The following DPP6 variants were observed in gnomAD, a reference collection of about 807,000 sequenced individuals.
DPP6 encodes the protein A-type potassium channel modulatory protein DPP6.
DPP6 carries 69 observed loss-of-function variants against 122.6 expected under a neutral mutation model. That is an observed-to-expected ratio of 0.56 (90% CI 0.46 to 0.69). The LOEUF (loss-of-function observed/expected upper bound fraction) is 0.69. DPP6 is among the 30% of genes least tolerant of loss of function. The pLI, the probability that DPP6 is intolerant of heterozygous loss-of-function variation, is 0.00. For missense variants in DPP6, 928 were observed against 1,116.9 expected, an observed-to-expected ratio of 0.83 and a Z score of 2.41; for synonymous variants, 418 against 433.1, an observed-to-expected ratio of 0.97 and a Z score of 0.43.
At chr7:154,341,417 T>C (rs962667886) in intron 1 of DPP6, among the ~76,000 whole-genome samples, 1 of 152,050 alleles carries the variant, frequency 6.6e-6, no homozygotes, top group Admixed American at 6.6e-5. Flanking sequence ...AGAAATGAAA[T>C]CTACAATCGC....
At chr7:154,643,114 A>G (rs958405774) in intron 6 of DPP6, among the ~76,000 whole-genome samples, 2 of 152,218 alleles carry the variant, frequency 1.3e-5, no homozygotes, top group Non-Finnish European at 2.9e-5. Context: ...ATTCTCTTTA[A>G]TAATTTTTCT....
intron 1 of DPP6, among the ~76,000 whole-genome samples, chr7:154,360,224 C>T (rs1347190457): frequency 6.6e-6 from 1 of 152,166 alleles, no homozygotes; most frequent in Non-Finnish European, 1.5e-5. Context: ...CAGGATGACA[C>T]TGCCTGAGGA....
At chr7:154,145,111 A>G (rs914311040) in intron 1 of DPP6, among the ~76,000 whole-genome samples, 3 of 152,122 alleles carry the variant, frequency 2.0e-5, no homozygotes, top group East Asian at 1.9e-4. Flanking sequence ...TGCTGCTGCA[A>G]TGGGATTTGG....
chr7:154,784,955 GA>G (rs1172595366), intron 10 of DPP6, among the ~76,000 whole-genome samples: 4 of 151,810 alleles, frequency 2.6e-5, no homozygotes, highest in African/African-American at 7.3e-5. Flanking sequence ...TGAGGAGCTT[GA>G]AAAAAAATAT....
intron 7 of DPP6, among the ~76,000 whole-genome samples, chr7:154,686,284 A>G (rs1228725456): frequency 6.6e-6 from 1 of 152,172 alleles, no homozygotes; most frequent in African/African-American, 2.4e-5. Context: ...TCTGTTCAGA[A>G]TGACTTCTCT....
At chr7:154,056,715 C>T (rs969793330) in intron 1 of DPP6, among the ~76,000 whole-genome samples, 2 of 152,202 alleles carry the variant, frequency 1.3e-5, no homozygotes, top group Non-Finnish European at 2.9e-5. Flanking sequence ...TCATCATCCG[C>T]TATGTCTTCG....
intron 5 of DPP6, among the ~76,000 whole-genome samples, chr7:154,574,479 G>A (rs1247871935): frequency 0.014 from 1,925 of 135,230 alleles, 50 homozygotes; most frequent in East Asian, 0.1. Context: ...TATGTGTGTG[G>A]TGTGTGTATG....
chr7:153,829,827 A>G, the DPP6 span, among the ~76,000 whole-genome samples: 1 of 152,124 alleles, frequency 6.6e-6, no homozygotes, highest in East Asian at 1.9e-4. Flanking sequence ...AGATTGACCG[A>G]TTGTTTCGGG....
chr7:154,571,823 C>CA (rs1831128514), intron 5 of DPP6, among the ~76,000 whole-genome samples: 1 of 152,172 alleles, frequency 6.6e-6, no homozygotes, highest in African/African-American at 2.4e-5. Flanking sequence ...TAGTTACTTG[C>CA]CACTGCATAG....
chr7:154,648,267 T>TA lies in DPP6; in HGVS notation c.680+10409dup, dbSNP rs35397756. Among the ~76,000 whole-genome samples the TA allele has an allele frequency of 6.2e-3, 865 of 139,950 alleles. 5 individuals are homozygous for TA. Among genetic ancestry groups the TA allele is most frequent in the African/African-American group, 0.019 (744 of 38,490 alleles). The allele number at this position is 139,950 out of a possible 152,430, so 91.8% of individuals were successfully genotyped here. A position where few individuals can be genotyped will look rare whatever the true frequency, so the allele number is the denominator to read the frequency against. On this transcript the variant is annotated intron_variant, in intron 6 of 25. Transcript: ENST00000377770. Reference sequence around the variant, plus strand: ...TGGGCAACAAGAGCAAAACTCTGTCTAAAAAAAAAAAAAAATCACTGAGCC... The same window carrying TA: ...TGGGCAACAAGAGCAAAACTCTGTCTAAAAAAAAAAAAAAAATCACTGAGCC...
chr7:154,452,784 C>T (rs562199252), intron 2 of DPP6, among the ~76,000 whole-genome samples: 60 of 152,318 alleles, frequency 3.9e-4, no homozygotes, highest in African/African-American at 1.4e-3. Context: ...CTCTGAACAA[C>T]AAGGCATCTT....
At chr7:153,753,188 A>G in the DPP6 span, among the ~76,000 whole-genome samples, 1 of 150,504 alleles carries the variant, frequency 6.6e-6, no homozygotes, top group South Asian at 2.1e-4. Flanking sequence ...GGTGACTTGT[A>G]TGTGACTAGC....
chr7:154,520,767 T>C (rs879446426), intron 3 of DPP6, among the ~76,000 whole-genome samples: 3 of 152,214 alleles, frequency 2.0e-5, no homozygotes, highest in Admixed American at 1.3e-4. Context: ...CCAGCCAGAA[T>C]TCACTTGCGT....
intron 1 of DPP6, among the ~76,000 whole-genome samples, chr7:153,953,808 C>T (rs1038926524): frequency 6.6e-6 from 1 of 152,216 alleles, no homozygotes; most frequent in Admixed American, 6.5e-5. Context: ...TAGATGAGTG[C>T]ATGTGCGTCT....
chr7:154,058,713 G>A lies in DPP6; in HGVS notation c.243+5650G>A, dbSNP rs376787682. On this transcript the variant is annotated intron_variant, in intron 1 of 25. Coordinates refer to ENST00000377770, the MANE Select transcript of DPP6 (RefSeq NM_130797.4). ...AAGTAGAAAGTTCAAATCTTCCGAC[G>A]GCAGGTACCTTACGTGGGATTACTG... 23 of 150,074 alleles carry A rather than the reference G, an allele frequency of 1.5e-4. 1 individual carries two copies. Among genetic ancestry groups the A allele is most frequent in the African/African-American group, 4.7e-4 (19 of 40,240 alleles). 9.3% of individuals were successfully genotyped at this position (150,074 alleles called of 1,614,324 possible). A position where few individuals can be genotyped will look rare whatever the true frequency, so the allele number is the denominator to read the frequency against.
At chr7:153,749,259 A>T in the DPP6 span, among the ~76,000 whole-genome samples, 2 of 152,094 alleles carry the variant, frequency 1.3e-5, no homozygotes, top group Non-Finnish European at 2.9e-5. The surrounding 1 kb of genome is among the most constrained non-coding windows in gnomAD (Gnocchi z 4.1). Context: ...CCCGCCGGCC[A>T]CCCTGGGGCT....
At chr7:153,887,819 C>T in intron 1 of DPP6, 2 of 1,456,336 alleles carry the variant, frequency 1.4e-6, no homozygotes, top group South Asian at 1.4e-5. Flanking sequence ...CTTCTCAGTC[C>T]CGAACCTCCC....
At chr7:154,631,940 G>A (rs924728527) in intron 5 of DPP6, among the ~76,000 whole-genome samples, 2 of 152,138 alleles carry the variant, frequency 1.3e-5, no homozygotes, top group African/African-American at 4.8e-5. Flanking sequence ...GCTTAATTAA[G>A]CAGTGAACAA....
the DPP6 span, among the ~76,000 whole-genome samples, chr7:153,768,878 A>G: frequency 6.6e-6 from 1 of 152,214 alleles, no homozygotes; most frequent in African/African-American, 2.4e-5. Context: ...CCTGGGCTTA[A>G]CACCCAAATT....
Sources: gnomAD v4.1 joint callset for allele counts (sites outside exome capture counted in the v4.1 genomes callset) on GRCh38, gnomAD v4.1.1 for gene constraint, Gnocchi (gnomAD v3.1) non-coding constraint, MANE v1.5 for transcripts, NCBI Gene and HGNC (gene_info 2026-07-23, HGNC 2026-07-21) for gene names.